LDB3: variants seen among roughly 807,000 people sequenced by gnomAD.
The protein encoded by LDB3 is LIM domain binding 3.
A neutral mutation model predicts 69.0 loss-of-function variants in LDB3; 49 were observed. The observed-to-expected ratio is 0.71, with a 90% CI of 0.56 to 0.90. The LOEUF is 0.90. Ranked by LOEUF, LDB3 falls within the 40% of genes least tolerant of loss-of-function variation. LDB3 has a pLI of 0.00. For missense variants in LDB3, 928 were observed against 974.1 expected, an observed-to-expected ratio of 0.95 and a Z score of 0.63; for synonymous variants, 387 against 396.2, an observed-to-expected ratio of 0.98 and a Z score of 0.28.
In LDB3 at chr10:86,735,643, T is replaced by C. The variant is rs1293500520; in HGVS notation, c.*2667T>C. ...AAAAATACACAAAATTAGCCAGGTGTGGTGGCAGGCGCCTGTAGTTCCAGC... is the reference window on the plus strand; with the variant it reads ...AAAAATACACAAAATTAGCCAGGTGCGGTGGCAGGCGCCTGTAGTTCCAGC... On this transcript the variant is annotated 3_prime_UTR_variant, in exon 14 of 14. Coordinates refer to ENST00000361373, the MANE Select transcript of LDB3 (RefSeq NM_007078.3). 6.6e-6 allele frequency: 1 copy of C among 151,854 alleles called. No individual in the cohort carries two copies. The highest frequency in any genetic ancestry group is 1.5e-5 in the Non-Finnish European group (1 of 67,996). The allele number at this position is 151,854 out of a possible 1,614,324, so 9.4% of individuals were successfully genotyped here. A position where few individuals can be genotyped will look rare whatever the true frequency, so the allele number is the denominator to read the frequency against.
chr10:86,711,281 C>T lies in LDB3; in HGVS notation c.1231+1231C>T, dbSNP rs1405951032. ...AGCCCGCCAGGCGGCGTCAGGGCTC[C>T]GGGGGCGCGCGGCCAGCCCGCCCTG... On this transcript the variant is annotated intron_variant, in intron 9 of 13. Coordinates refer to ENST00000361373, the MANE Select transcript of LDB3 (RefSeq NM_007078.3). 2.6e-5 allele frequency among the ~76,000 whole-genome samples: 4 copies of T among 152,204 alleles called. No homozygotes were observed. The East Asian group carries it at 5.8e-4, about 22-fold the overall frequency.
At position 86,717,784 on chromosome 10, in the gene LDB3, G is replaced by A. The variant is rs1165418840; in HGVS notation, c.1677-180G>A. The stretch of plus-strand genomic sequence containing the variant: ...TGCTTCCTGATTTTCTTTATTGTAA[G>A]TGATGCAACAATGAACACCTTTCTG... On this transcript the variant is annotated intron_variant, in intron 10 of 13. Transcript: ENST00000361373. Among the ~76,000 whole-genome samples the A allele has an allele frequency of 2.0e-5, 3 of 152,320 alleles. No homozygotes were observed. The East Asian group carries it at 5.8e-4, about 29-fold the overall frequency.
intron 5 of LDB3, among the ~76,000 whole-genome samples, chr10:86,689,770 A>G (rs1845673189): frequency 6.6e-6 from 1 of 152,186 alleles, no homozygotes; most frequent in African/African-American, 2.4e-5. Context: ...GATGAATCAG[A>G]CTGGGGGCTG....
chr10:86,672,498 G>A (rs75764982), intron 2 of LDB3, among the ~76,000 whole-genome samples: 3,567 of 152,330 alleles, frequency 0.023, 101 homozygotes, highest in African/African-American at 0.064. Context: ...GAATTTCGGG[G>A]CCGCTGGAGC....
chr10:86,721,674 C>A (rs1023151126), intron 12 of LDB3, among the ~76,000 whole-genome samples: 5 of 152,220 alleles, frequency 3.3e-5, no homozygotes, highest in African/African-American at 1.2e-4. Flanking sequence ...ACACCAGCAG[C>A]AACATCACCT....
chr10:86,716,435 C>T lies in LDB3; in HGVS notation c.1340C>T (p.Pro447Leu). The change falls in exon 10 of 14, where the codon CCC (proline) becomes CTC (leucine). Residue 447 changes from proline to leucine, a missense_variant. By Grantham distance (98) the Pro-to-Leu change is moderately conservative (BLOSUM62 -3). Coordinates refer to ENST00000361373, the MANE Select transcript of LDB3 (RefSeq NM_007078.3). ...CCCTCCCCTGCCCCTGCCTACACCC[C>T]CTCACCTGTCCCCACCTACACTCCA... ...YTPSPAPAYT[P>L]SPVPTYTPSP... 6.3e-7 allele frequency: 1 copy of T among 1,581,100 alleles called. No individual in the cohort carries two copies. The highest frequency in any genetic ancestry group is 8.6e-7 in the Non-Finnish European group (1 of 1,163,608).
chr10:86,679,658 T>A, intron 3 of LDB3, 140 bp downstream of exon 3: 1 of 984,180 alleles, frequency 1.0e-6, no homozygotes, highest in Non-Finnish European at 1.6e-6. Context: ...AGGACAGCCC[T>A]GGGCCAGAGG....
chr10:86,681,910 C>T, intron 5 of LDB3, 107 bp downstream of exon 5: 2 of 1,180,512 alleles, frequency 1.7e-6, no homozygotes, highest in Non-Finnish European at 1.2e-6. Flanking sequence ...GGCCCCAATC[C>T]AGCCAGCCCC....
At chr10:86,710,868 C>A (rs1589668375) in intron 9 of LDB3, among the ~76,000 whole-genome samples, 1 of 152,198 alleles carries the variant, frequency 6.6e-6, no homozygotes, top group Non-Finnish European at 1.5e-5. Context: ...GCTCTGCTCT[C>A]GAAGGCAAAG....
intron 5 of LDB3, among the ~76,000 whole-genome samples, chr10:86,689,149 C>T (rs1436087415): frequency 6.6e-6 from 1 of 152,134 alleles, no homozygotes; most frequent in Non-Finnish European, 1.5e-5. Context: ...CTTCACCCAC[C>T]CCATTCCCAT....
intron 5 of LDB3, among the ~76,000 whole-genome samples, chr10:86,688,672 C>G (rs950901777): frequency 1.3e-5 from 2 of 152,188 alleles, no homozygotes; most frequent in African/African-American, 4.8e-5. Flanking sequence ...AACAAGGCTG[C>G]CTAAGCCCAA....
In LDB3 at chr10:86,668,628, G is replaced by A. The variant is rs373753907; in HGVS notation, c.-23-41G>A. ...TGTGGACCGGGCAGGCGGAGTGCCT[G>A]AGTGCCCTCTCACTCAACCCTCTCT... On this transcript the variant is annotated intron_variant, in intron 1 of 13. Transcript: ENST00000361373. 4.7e-5 allele frequency: 61 copies of A among 1,304,840 alleles called. 1 individual carries two copies. In the Middle Eastern group the frequency reaches 7.3e-4, roughly 16 times the overall value. The allele number at this position is 1,304,840 out of a possible 1,614,324, so 80.8% of individuals were successfully genotyped here. A position where few individuals can be genotyped will look rare whatever the true frequency, so the allele number is the denominator to read the frequency against.
At chr10:86,678,938 C>T (rs892942241) in intron 2 of LDB3, among the ~76,000 whole-genome samples, 2 of 152,256 alleles carry the variant, frequency 1.3e-5, no homozygotes, top group African/African-American at 4.8e-5. Flanking sequence ...CCATGTCCAA[C>T]AGCCTCCAAA....
intron 5 of LDB3, among the ~76,000 whole-genome samples, chr10:86,685,308 G>A (rs1299244226): frequency 6.6e-6 from 1 of 152,200 alleles, no homozygotes; most frequent in African/African-American, 2.4e-5. Context: ...AGCCACAGCT[G>A]GTCCTGTCTC....
At chr10:86,731,109 C>G (rs529548444) in intron 13 of LDB3, among the ~76,000 whole-genome samples, 3 of 147,938 alleles carry the variant, frequency 2.0e-5, no homozygotes, top group Admixed American at 2.0e-4. Context: ...GAGCTGAGAT[C>G]GCGCCACTGC....
chr10:86,680,488 G>A (rs927737093), intron 4 of LDB3, among the ~76,000 whole-genome samples: 2 of 152,228 alleles, frequency 1.3e-5, no homozygotes, highest in Non-Finnish European at 2.9e-5. Flanking sequence ...GGCAGGGGAC[G>A]AGCGTCCAGG....
intron 12 of LDB3, among the ~76,000 whole-genome samples, chr10:86,721,535 T>C (rs1847086377): frequency 6.6e-6 from 1 of 152,074 alleles, no homozygotes; most frequent in Non-Finnish European, 1.5e-5. Context: ...CTTAACAAAC[T>C]AGAGAGAAAA....
Position 86,718,216 on chromosome 10 carries a change from A to G in LDB3, c.1857+72A>G, listed in dbSNP as rs147722170. 4,519 of 1,450,382 alleles carry G rather than the reference A, an allele frequency of 3.1e-3. 14 individuals are homozygous for G. The highest frequency in any genetic ancestry group is 4.0e-3 in the Non-Finnish European group (4,111 of 1,031,320). The allele number at this position is 1,450,382 out of a possible 1,614,324, so 89.8% of individuals were successfully genotyped here. A position where few individuals can be genotyped will look rare whatever the true frequency, so the allele number is the denominator to read the frequency against. Reference sequence around the variant, plus strand: ...CCCTTCCCCAAGATCGTGGGATCCCATTAGGAAGCCAAGAAGTTGCTGGTA... The same window carrying G: ...CCCTTCCCCAAGATCGTGGGATCCCGTTAGGAAGCCAAGAAGTTGCTGGTA... On this transcript the variant is annotated intron_variant, in intron 11 of 13. Coordinates refer to ENST00000361373, the MANE Select transcript of LDB3 (RefSeq NM_007078.3).
intron 12 of LDB3, among the ~76,000 whole-genome samples, chr10:86,719,959 G>A (rs1347198916): frequency 6.6e-6 from 1 of 152,170 alleles, no homozygotes; most frequent in African/African-American, 2.4e-5. Context: ...GAAAATCAGA[G>A]GCGGGAAAAG....
Sources: allele counts gnomAD v4.1 joint callset (sites outside exome capture counted in the v4.1 genomes callset), GRCh38; gene constraint gnomAD v4.1.1; transcripts MANE v1.5; gene names NCBI Gene and HGNC (gene_info 2026-07-23, HGNC 2026-07-21).